The following NCKAP5 variants were observed in gnomAD, a reference collection of about 807,000 sequenced individuals.
NCKAP5 encodes the protein nck-associated protein 5.
In NCKAP5, 92 loss-of-function variants were observed where a neutral mutation model predicts 167.0. That is an observed-to-expected ratio of 0.55 (90% confidence interval 0.47 to 0.66). The LOEUF (loss-of-function observed/expected upper bound fraction) is 0.66, where lower values mean the gene tolerates loss of function less well. NCKAP5 is among the 30% of genes least tolerant of loss of function. The pLI is 0.00. For synonymous variants in NCKAP5, 891 were observed against 877.4 expected (o/e 1.02, Z -0.27); for missense variants, 2,378 against 2,315.0 (o/e 1.03, Z -0.56).
chr2:133,615,684 C>T, the NCKAP5 span, among the ~76,000 whole-genome samples: 7 of 152,054 alleles, frequency 4.6e-5, no homozygotes, highest in East Asian at 1.9e-4. Context: ...AGACTTAGAC[C>T]CCCACACATT....
intron 15 of NCKAP5, among the ~76,000 whole-genome samples, chr2:132,778,503 T>C (rs992534260): frequency 2.6e-5 from 4 of 152,160 alleles, no homozygotes; most frequent in African/African-American, 9.6e-5. Flanking sequence ...CTTAGGACTC[T>C]CATAACTATA....
chr2:133,480,116 G>A (rs1349388740), intron 3 of NCKAP5, among the ~76,000 whole-genome samples: 4 of 151,938 alleles, frequency 2.6e-5, no homozygotes, highest in Non-Finnish European at 5.9e-5. Flanking sequence ...ATTTTTAGTA[G>A]AGATGGGGTT....
the NCKAP5 span, among the ~76,000 whole-genome samples, chr2:133,650,327 A>T: frequency 1.3e-5 from 2 of 152,368 alleles, no homozygotes; most frequent in East Asian, 3.9e-4. Context: ...ACTAAAAAAA[A>T]GTCAAATGGT....
chr2:133,121,381 T>C (rs374510921), intron 6 of NCKAP5, among the ~76,000 whole-genome samples: 45 of 152,220 alleles, frequency 3.0e-4, no homozygotes, highest in Middle Eastern at 6.8e-3. Context: ...AGGAGGGTTA[T>C]TGCCATAAGG....
At chr2:132,871,121 T>G (rs1350351026) in intron 9 of NCKAP5, among the ~76,000 whole-genome samples, 1 of 152,196 alleles carries the variant, frequency 6.6e-6, no homozygotes, top group East Asian at 1.9e-4. Flanking sequence ...AACTATACTT[T>G]CATTAACTGA....
chr2:132,994,029 C>A (rs1236964780), intron 7 of NCKAP5, 123 bp downstream of exon 7: 2 of 585,948 alleles, frequency 3.4e-6, no homozygotes, highest in Non-Finnish European at 5.8e-6. Flanking sequence ...GACTAGGTGG[C>A]TTTTAGCACT....
intron 8 of NCKAP5, among the ~76,000 whole-genome samples, chr2:132,890,319 T>C (rs1417437223): frequency 3.3e-5 from 5 of 152,118 alleles, no homozygotes; most frequent in Admixed American, 6.5e-5. Context: ...AACAATTTCA[T>C]TTGGGGAGGC....
chr2:133,458,203 A>G (rs1424291467), intron 3 of NCKAP5, among the ~76,000 whole-genome samples: 1 of 152,198 alleles, frequency 6.6e-6, no homozygotes, highest in Non-Finnish European at 1.5e-5. Flanking sequence ...CAGCTAGAGT[A>G]ACGTTTACTG....
chr2:132,817,365 C>T (rs1173322773), intron 11 of NCKAP5, among the ~76,000 whole-genome samples: 3 of 152,158 alleles, frequency 2.0e-5, no homozygotes, highest in African/African-American at 7.2e-5. Context: ...TTTTATCACA[C>T]AGGCTGATGC....
intron 16 of NCKAP5, among the ~76,000 whole-genome samples, chr2:132,762,782 G>C (rs1681120013): frequency 6.6e-6 from 1 of 152,166 alleles, no homozygotes; most frequent in Non-Finnish European, 1.5e-5. Flanking sequence ...AGGGTCTGGG[G>C]GTACTAATCT....
At chr2:132,934,269 A>C (rs1175868214) in intron 8 of NCKAP5, among the ~76,000 whole-genome samples, 1 of 152,218 alleles carries the variant, frequency 6.6e-6, no homozygotes, top group Non-Finnish European at 1.5e-5. Context: ...GGATAATTCA[A>C]CATAATAACA....
At chr2:133,523,541 T>A (rs1216905171) in intron 2 of NCKAP5, among the ~76,000 whole-genome samples, 2 of 152,228 alleles carry the variant, frequency 1.3e-5, no homozygotes, top group Non-Finnish European at 2.9e-5. Context: ...TTTGAGTAGA[T>A]TCCTAACTTC....
At chr2:133,356,383 T>A (rs1433033406) in intron 3 of NCKAP5, among the ~76,000 whole-genome samples, 1 of 152,222 alleles carries the variant, frequency 6.6e-6, no homozygotes, top group East Asian at 1.9e-4. Flanking sequence ...TAATATGAGA[T>A]AAACATGGAT....
intron 19 of NCKAP5, among the ~76,000 whole-genome samples, chr2:132,700,569 T>G (rs1290685354): frequency 6.6e-6 from 1 of 152,234 alleles, no homozygotes; most frequent in Non-Finnish European, 1.5e-5. Context: ...CAGCACCATT[T>G]ATTAAATCGG....
At chr2:133,234,611 G>A (rs1402804589) in intron 4 of NCKAP5, among the ~76,000 whole-genome samples, 3 of 152,054 alleles carry the variant, frequency 2.0e-5, no homozygotes, top group African/African-American at 7.2e-5. Context: ...ATATAAAACT[G>A]TTCGCAGATT....
chr2:133,384,564 T>C (rs565372935), intron 3 of NCKAP5, among the ~76,000 whole-genome samples: 2 of 152,214 alleles, frequency 1.3e-5, no homozygotes, highest in African/African-American at 4.8e-5. Context: ...CATGTGAATT[T>C]TAAAGTAGTT....
the NCKAP5 span, among the ~76,000 whole-genome samples, chr2:133,656,348 A>C: frequency 1.3e-5 from 2 of 152,302 alleles, no homozygotes; most frequent in South Asian, 4.1e-4. Context: ...ACACTAACAC[A>C]GTAGCTATTA....
chr2:133,330,454 G>A (rs774223169), intron 3 of NCKAP5, among the ~76,000 whole-genome samples: 4 of 149,732 alleles, frequency 2.7e-5, no homozygotes, highest in East Asian at 1.9e-4. Context: ...AAAAGGACAC[G>A]TTTTGTGTTG....
chr2:133,334,153 T>C (rs994753927), intron 3 of NCKAP5, among the ~76,000 whole-genome samples: 5 of 152,208 alleles, frequency 3.3e-5, no homozygotes, highest in African/African-American at 1.2e-4. Context: ...AGCCTGGCTC[T>C]GTGACTTAAT....
Sources: allele counts gnomAD v4.1 joint callset (sites outside exome capture counted in the v4.1 genomes callset), GRCh38; gene constraint gnomAD v4.1.1; transcripts MANE v1.5; gene names NCBI Gene and HGNC (gene_info 2026-07-23, HGNC 2026-07-21).